COL12A1: variants seen among roughly 807,000 people sequenced by gnomAD.
The protein encoded by COL12A1 is collagen alpha-1(XII) chain.
COL12A1 carries 114 observed loss-of-function variants against 349.7 expected under a neutral mutation model. The ratio of observed to expected loss-of-function variants is 0.33; its 90% CI spans 0.28 to 0.38. The LOEUF (loss-of-function observed/expected upper bound fraction) is 0.38. Ranked by LOEUF, COL12A1 falls within the 10% of genes least tolerant of loss-of-function variation. The probability of loss-of-function intolerance (pLI) is 1.00; values close to 1 mark genes in which losing one functional copy is unlikely to be tolerated. For missense variants in COL12A1, 3,284 were observed against 3,756.9 expected (o/e 0.87, Z 3.29); for synonymous variants, 1,369 against 1,329.0 (o/e 1.03, Z -0.66).
At chr6:75,131,909 G>C (rs1766315546) in intron 35 of COL12A1, 31 bp downstream of exon 35, 1 of 1,611,296 alleles carries the variant, frequency 6.2e-7, no homozygotes, top group East Asian at 2.2e-5. Flanking sequence ...CATTCACCAG[G>C]AAATGCAGTT....
chr6:75,121,189 T>C, intron 44 of COL12A1, 113 bp downstream of exon 44: 1 of 958,672 alleles, frequency 1.0e-6, no homozygotes, highest in South Asian at 3.4e-5. Flanking sequence ...AAATAGCAAA[T>C]AGGAGAAGGT....
intron 42 of COL12A1, among the ~76,000 whole-genome samples, chr6:75,123,629 G>A (rs564975422): frequency 6.6e-6 from 1 of 152,144 alleles, no homozygotes; most frequent in East Asian, 1.9e-4. Flanking sequence ...AGATCTAAAG[G>A]GAAAATGTAA....
Position 75,128,322 on chromosome 6 carries a change from C to A in COL12A1, c.6314G>T (p.Gly2105Val). Reference protein sequence around the residue: ...VIAVYEDGDGGHLTGNGRTVG... With the variant: ...VIAVYEDGDGVHLTGNGRTVG... ...AGTTCTTCCATTTCCTGTTAGATGG[C>A]CACCATCTCCATCTTCATAAACAGC... Residue 2105 changes from glycine to valine, a missense_variant, in exon 38 of 66, where the codon GGC becomes GTC. Physicochemically the swap from Gly to Val is moderately radical, Grantham distance 109. This residue lies in a region of COL12A1 where 2,601 missense variants were observed against 2,824.8 expected (regional missense o/e 0.92). Transcript: ENST00000322507. 6.2e-7 allele frequency: 1 copy of A among 1,602,916 alleles called. No individual in the cohort carries two copies. The highest frequency in any genetic ancestry group is 1.1e-5 in the South Asian group (1 of 88,220).
chr6:75,116,548 G>C (rs1462567485), intron 47 of COL12A1, among the ~76,000 whole-genome samples: 3 of 152,030 alleles, frequency 2.0e-5, no homozygotes, highest in Non-Finnish European at 2.9e-5. Context: ...GCTGCATCCA[G>C]GACTACTTGG....
intron 13 of COL12A1, among the ~76,000 whole-genome samples, chr6:75,169,839 T>A (rs935438078): frequency 5.3e-5 from 8 of 152,342 alleles, no homozygotes; most frequent in African/African-American, 1.9e-4. Flanking sequence ...ATAAATGTCA[T>A]AAGTTTAAAG....
rs569715719 is a variant in COL12A1, at chr6:75,114,213, G to A, written c.7698-469C>T. Among the ~76,000 whole-genome samples the A allele has an allele frequency of 2.0e-5, 3 of 151,704 alleles. No individual in the cohort carries two copies. In the South Asian group the frequency reaches 6.2e-4, roughly 32 times the overall value. On this transcript the variant is annotated intron_variant, in intron 49 of 65. Transcript: ENST00000322507. The stretch of plus-strand genomic sequence containing the variant: ...TGTATGAGATCATAAAATGGCTTAA[G>A]GTTTTAATTTCTCTCTCCCTCCCTA...
At chr6:75,150,706 G>A (rs950926654) in intron 21 of COL12A1, among the ~76,000 whole-genome samples, 1 of 152,102 alleles carries the variant, frequency 6.6e-6, no homozygotes, top group Non-Finnish European at 1.5e-5. Flanking sequence ...GAGTGAAGAT[G>A]CTTTAAGACA....
chr6:75,159,152 A>T (rs1767905964), intron 14 of COL12A1, among the ~76,000 whole-genome samples: 1 of 151,872 alleles, frequency 6.6e-6, no homozygotes, highest in South Asian at 2.1e-4. Context: ...TAATATGTAT[A>T]GAGGACAAAG....
rs1287144641 is a variant in COL12A1 at position 75,084,640 on chromosome 6, T to C, written c.*1907A>G. ...GTATCCCGTTGATGCACTAACTTCA[T>C]CTACATGGCTTAAGGTTTGTGGTTG... On this transcript the variant is annotated 3_prime_UTR_variant, in exon 66 of 66. Coordinates refer to ENST00000322507, the MANE Select transcript of COL12A1 (RefSeq NM_004370.6). 1.3e-5 allele frequency: 2 copies of C among 153,350 alleles called. No homozygotes were observed. The highest frequency in any genetic ancestry group is 2.9e-5 in the Non-Finnish European group (2 of 68,514). 9.5% of individuals were successfully genotyped at this position (153,350 alleles called of 1,614,324 possible).
intron 43 of COL12A1, among the ~76,000 whole-genome samples, chr6:75,121,911 C>T (rs985659896): frequency 3.5e-5 from 5 of 144,668 alleles, no homozygotes; most frequent in Admixed American, 7.1e-5. Flanking sequence ...GGCTGGAGTG[C>T]AGTGGTGTGA....
In COL12A1 at chr6:75,119,387, G is replaced by A; in HGVS notation, c.7173C>T (p.Leu2391=). Residue 2391 remains leucine, a synonymous_variant, in exon 45 of 66, where the codon CTC becomes CTT. Transcript: ENST00000322507. ...TTCCTCCTCTGTACCTAATATTCTGGAGGGCCCCAAGGGCTAGGGCCTTGT... is the reference window on the plus strand; with the variant it reads ...TTCCTCCTCTGTACCTAATATTCTGAAGGGCCCCAAGGGCTAGGGCCTTGT... ...YNDKALALGA[L]QNIRYRGGNT... is the part of the protein sequence containing the mutation. 1 of 1,613,868 alleles carries A rather than the reference G, an allele frequency of 6.2e-7. No homozygotes were observed. Among genetic ancestry groups the A allele is most frequent in the Non-Finnish European group, 8.5e-7 (1 of 1,179,894 alleles).
At chr6:75,186,723 C>T (rs1321794385) in intron 8 of COL12A1, among the ~76,000 whole-genome samples, 1 of 152,006 alleles carries the variant, frequency 6.6e-6, no homozygotes, top group African/African-American at 2.4e-5. Context: ...AACCTAAAAC[C>T]CTATCAATGA....
At chr6:75,121,860 T>TA (rs1205419947) in intron 43 of COL12A1, among the ~76,000 whole-genome samples, 3 of 143,828 alleles carry the variant, frequency 2.1e-5, no homozygotes, top group Non-Finnish European at 4.6e-5. Context: ...AATAAGTCCT[T>TA]TTTTTTTTTT....
chr6:75,161,245 C>A (rs1394995740), intron 14 of COL12A1, among the ~76,000 whole-genome samples: 2 of 152,122 alleles, frequency 1.3e-5, no homozygotes, highest in Non-Finnish European at 2.9e-5. Flanking sequence ...GGAACCAATT[C>A]TTTTTTCTCA....
intron 8 of COL12A1, 116 bp downstream of exon 8, chr6:75,188,246 A>T: frequency 1.8e-6 from 2 of 1,126,158 alleles, no homozygotes; most frequent in East Asian, 2.6e-5. Flanking sequence ...TGGAGTATAC[A>T]ATTGTAGAAT....
chr6:75,181,309 T>C (rs1245766180), intron 10 of COL12A1, 98 bp from the exon 11 acceptor site: 3 of 1,200,344 alleles, frequency 2.5e-6, no homozygotes, highest in Admixed American at 5.2e-5. Flanking sequence ...TACATTAATT[T>C]GGGAGAATGG....
At chr6:75,173,671 G>C (rs1467151562) in intron 13 of COL12A1, among the ~76,000 whole-genome samples, 1 of 152,158 alleles carries the variant, frequency 6.6e-6, no homozygotes. Context: ...CACCACGCCT[G>C]CCCGATCACT....
At chr6:75,135,502 C>T (rs955448956) in intron 31 of COL12A1, among the ~76,000 whole-genome samples, 12 of 152,136 alleles carry the variant, frequency 7.9e-5, no homozygotes, top group African/African-American at 2.7e-4. Context: ...AGTTTTTATT[C>T]GTTACTTAAG....
At chr6:75,099,347 C>G (rs571618122) in intron 58 of COL12A1, among the ~76,000 whole-genome samples, 1 of 152,256 alleles carries the variant, frequency 6.6e-6, no homozygotes, top group East Asian at 1.9e-4. Context: ...CTAAGGGCCA[C>G]TTAAGAAAAA....
Sources: allele counts gnomAD v4.1 joint callset (sites outside exome capture counted in the v4.1 genomes callset), GRCh38; gene constraint gnomAD v4.1.1; regional missense constraint gnomAD v4.1.1; transcripts MANE v1.5; gene names NCBI Gene and HGNC (gene_info 2026-07-23, HGNC 2026-07-21).